Variants in FAM83B observed in about 807,000 individuals in gnomAD.
FAM83B encodes protein FAM83B.
A neutral mutation model predicts 38.8 loss-of-function variants in FAM83B; 26 were observed. The ratio of observed to expected loss-of-function variants is 0.67; its 90% confidence interval spans 0.49 to 0.93. The LOEUF (loss-of-function observed/expected upper bound fraction) is 0.93. Ranked by LOEUF, FAM83B falls within the 40% of genes least tolerant of loss-of-function variation. The pLI is 0.00. For synonymous variants in FAM83B, 419 were observed against 423.1 expected, an observed-to-expected ratio of 0.99 and a Z score of 0.12; for missense variants, 1,237 against 1,197.3, an observed-to-expected ratio of 1.03 and a Z score of -0.49.
intron 1 of FAM83B, among the ~76,000 whole-genome samples, chr6:54,868,131 A>G (rs186532968): frequency 3.9e-5 from 6 of 152,256 alleles, no homozygotes; most frequent in African/African-American, 7.2e-5. Flanking sequence ...GAGAACTTCA[A>G]TGAGTGTTGA....
At chr6:54,937,975 A>G (rs1168903377) in intron 4 of FAM83B, among the ~76,000 whole-genome samples, 6 of 152,022 alleles carry the variant, frequency 3.9e-5, no homozygotes, top group African/African-American at 1.4e-4. Context: ...TGGTGCACCC[A>G]TCACCCAAGC....
chr6:54,918,232 T>A (rs1355621839), intron 2 of FAM83B, among the ~76,000 whole-genome samples: 1 of 152,204 alleles, frequency 6.6e-6, no homozygotes, highest in Admixed American at 6.5e-5. Context: ...ATTTCAAATC[T>A]ATTTCTCCTT....
intron 2 of FAM83B, among the ~76,000 whole-genome samples, chr6:54,885,477 G>T (rs1772253283): frequency 6.6e-6 from 1 of 151,890 alleles, no homozygotes; most frequent in Non-Finnish European, 1.5e-5. Flanking sequence ...TGGGTCCAGT[G>T]ACTGGATTGA....
At position 54,873,155 on chromosome 6, in the gene FAM83B, A is replaced by T. The variant is rs527589279; in HGVS notation, c.444+2465A>T. 8.6e-5 allele frequency among the ~76,000 whole-genome samples: 13 copies of T among 151,954 alleles called. No homozygotes were observed. In the South Asian group the frequency reaches 2.5e-3, roughly 29 times the overall value. ...TGGGATTATAGGCATGAATCACCAC[A>T]CCCAGCTGTTATTTTTTAAGGTGTT... On this transcript the variant is annotated intron_variant, in intron 2 of 4. Coordinates refer to ENST00000306858, the MANE Select transcript of FAM83B (RefSeq NM_001010872.3).
intron 2 of FAM83B, among the ~76,000 whole-genome samples, chr6:54,891,453 A>G (rs1451765088): frequency 6.6e-6 from 1 of 152,046 alleles, no homozygotes; most frequent in African/African-American, 2.4e-5. Context: ...TGTTTTAAAG[A>G]CTTTTAGCTT....
chr6:54,894,141 T>C (rs1772465035), intron 2 of FAM83B, among the ~76,000 whole-genome samples: 1 of 152,234 alleles, frequency 6.6e-6, no homozygotes. Context: ...TTTCAAAGCT[T>C]ATATTTAAGT....
intron 1 of FAM83B, among the ~76,000 whole-genome samples, chr6:54,855,651 G>A (rs1211389312): frequency 6.6e-6 from 1 of 152,070 alleles, no homozygotes; most frequent in Non-Finnish European, 1.5e-5. Context: ...GGAAGAATTA[G>A]AATAAGACAT....
chr6:54,941,725 A>G lies in FAM83B; in HGVS notation c.2754A>G (p.Pro918=), dbSNP rs1160055220. 2 of 1,614,136 alleles carry G rather than the reference A, an allele frequency of 1.2e-6. No individual in the cohort carries two copies. The highest frequency in any genetic ancestry group is 2.2e-5 in the South Asian group (2 of 91,084). Residue 918 remains proline, a synonymous_variant, in exon 5 of 5, where the codon CCA becomes CCG. Coordinates refer to ENST00000306858, the MANE Select transcript of FAM83B (RefSeq NM_001010872.3). ...GAAGACCTACTTCTTCTCCAAGGCC[A>G]ACGTCCAGTGAGCTTCTACGATCTC... ...PERRPTSSPR[P]TSSELLRSHS... is the part of the protein sequence containing the mutation.
At chr6:54,893,189 T>G (rs1237613771) in intron 2 of FAM83B, among the ~76,000 whole-genome samples, 2 of 152,196 alleles carry the variant, frequency 1.3e-5, no homozygotes, top group Non-Finnish European at 2.9e-5. Flanking sequence ...AGATTATAAG[T>G]GTGGTTGTAA....
In FAM83B at chr6:54,941,201, C is replaced by T. The variant is rs769842826; in HGVS notation, c.2230C>T (p.Leu744Phe). 65 of 1,613,836 alleles carry T rather than the reference C, an allele frequency of 4.0e-5. No individual in the cohort carries two copies. The highest frequency in any genetic ancestry group is 3.3e-4 in the Middle Eastern group (2 of 6,084). Reference sequence around the variant, plus strand: ...CAAATCAGTTTCCATTGCTGCTTTACTTGATGTGAATAAAGAGGAATCTAA... The same window carrying T: ...CAAATCAGTTTCCATTGCTGCTTTATTTGATGTGAATAAAGAGGAATCTAA... ...TTKSVSIAAL[L>F]DVNKEESNKE... Residue 744 changes from leucine (L) to phenylalanine (F), a missense_variant, in exon 5 of 5, where the codon CTT becomes TTT. By Grantham distance (22) the Leu-to-Phe change is conservative. Coordinates refer to ENST00000306858, the MANE Select transcript of FAM83B (RefSeq NM_001010872.3).
intron 4 of FAM83B, among the ~76,000 whole-genome samples, chr6:54,934,033 C>A (rs953950793): frequency 6.6e-6 from 1 of 152,098 alleles, no homozygotes; most frequent in Non-Finnish European, 1.5e-5. Context: ...GTTCTGGGTG[C>A]TCTATCTTTT....
At chr6:54,921,766 C>T (rs1282925889) in intron 2 of FAM83B, among the ~76,000 whole-genome samples, 1 of 151,998 alleles carries the variant, frequency 6.6e-6, no homozygotes, top group South Asian at 2.1e-4. Context: ...TATATATAGC[C>T]ATGTGGCCAT....
intron 4 of FAM83B, among the ~76,000 whole-genome samples, chr6:54,937,796 A>C (rs1369113083): frequency 6.6e-6 from 1 of 152,118 alleles, no homozygotes; most frequent in African/African-American, 2.4e-5. Flanking sequence ...GGTATATATA[A>C]AATATAATAT....
At chr6:54,868,744 T>A (rs1350934780) in intron 1 of FAM83B, among the ~76,000 whole-genome samples, 1 of 152,136 alleles carries the variant, frequency 6.6e-6, no homozygotes, top group Non-Finnish European at 1.5e-5. Flanking sequence ...TGGGCTTGGA[T>A]CAAATTATGA....
At chr6:54,929,078 C>T (rs528815397) in intron 4 of FAM83B, among the ~76,000 whole-genome samples, 1 of 152,240 alleles carries the variant, frequency 6.6e-6, no homozygotes, top group South Asian at 2.1e-4. Flanking sequence ...TCTTAACTAA[C>T]ACTCTATTCT....
chr6:54,847,382 C>T (rs566444273), intron 1 of FAM83B, among the ~76,000 whole-genome samples: 1 of 152,168 alleles, frequency 6.6e-6, no homozygotes, highest in South Asian at 2.1e-4. Flanking sequence ...TTCACACAAC[C>T]TCTTAATTGT....
At chr6:54,887,434 T>C (rs968135834) in intron 2 of FAM83B, among the ~76,000 whole-genome samples, 1 of 152,198 alleles carries the variant, frequency 6.6e-6, no homozygotes, top group African/African-American at 2.4e-5. Context: ...GGGATGACTC[T>C]ATTATATATT....
chr6:54,926,446 G>A lies in FAM83B; in HGVS notation c.520G>A (p.Val174Ile). The change falls in exon 3 of 5, where the codon GTA becomes ATA. Residue 174 changes from valine to isoleucine, a missense_variant. Transcript: ENST00000306858. ...KEIVEASTRG[V>I]SVYILLDESN... Reference sequence around the variant, plus strand: ...AATCGTTGAGGCATCAACTCGAGGAGTATCTGTTTACATTCTGCTTGATGA... The same window carrying A: ...AATCGTTGAGGCATCAACTCGAGGAATATCTGTTTACATTCTGCTTGATGA... 2 of 1,609,934 alleles carry A rather than the reference G, an allele frequency of 1.2e-6. No homozygotes were observed. Among genetic ancestry groups the A allele is most frequent in the South Asian group, 2.2e-5 (2 of 90,696 alleles).
chr6:54,913,633 A>C (rs1038960801), intron 2 of FAM83B, among the ~76,000 whole-genome samples: 3 of 152,038 alleles, frequency 2.0e-5, no homozygotes, highest in African/African-American at 7.2e-5. Context: ...GTTATATACG[A>C]GTTAAAGAGA....
Sources: gnomAD v4.1 joint callset for allele counts (sites outside exome capture counted in the v4.1 genomes callset) on GRCh38, gnomAD v4.1.1 for gene constraint, MANE v1.5 for transcripts, NCBI Gene and HGNC (gene_info 2026-07-23, HGNC 2026-07-21) for gene names.